Variants in ACAD11 observed in about 807,000 individuals in gnomAD.
The protein encoded by ACAD11 is acyl-Coenzyme A dehydrogenase family, member 11.
In ACAD11, 83 loss-of-function variants were observed where a neutral mutation model predicts 102.2. The observed-to-expected ratio is 0.81, with a 90% CI of 0.68 to 0.97. The LOEUF is 0.97. Among genes scored for constraint, ACAD11 ranks in the 50% least tolerant of loss-of-function variants. The probability of loss-of-function intolerance (pLI) is 0.00; values close to 1 mark genes in which losing one functional copy is unlikely to be tolerated. For missense variants in ACAD11, 901 were observed against 951.7 expected (o/e 0.95, Z 0.70); for synonymous variants, 324 against 319.8 (o/e 1.01, Z -0.14).
Position 132,558,858 on chromosome 3 carries a change from A to G in ACAD11, c.*113T>C, listed in dbSNP as rs1478988583. The G allele has an allele frequency of 8.2e-6, 6 of 729,496 alleles. No individual in the cohort carries two copies. The highest frequency in any genetic ancestry group is 1.1e-5 in the Non-Finnish European group (5 of 435,298). 45.2% of individuals were successfully genotyped at this position (729,496 alleles called of 1,614,324 possible). ...ATGCTATAATCTTTACCACAAATGA[A>G]TAATTAACCCTGTGCTCAAACTGCT... On this transcript the variant is annotated 3_prime_UTR_variant, in exon 20 of 20. Coordinates refer to ENST00000264990, the MANE Select transcript of ACAD11 (RefSeq NM_032169.5).
chr3:132,655,280 TCAACA>T (rs1328948197), intron 1 of ACAD11, among the ~76,000 whole-genome samples: 3 of 152,220 alleles, frequency 2.0e-5, no homozygotes, highest in African/African-American at 4.8e-5. Context: ...CAGTCAACTC[TCAACA>T]CAAGAAGCAG....
At chr3:132,572,764 A>C (rs1256704465) in intron 17 of ACAD11, among the ~76,000 whole-genome samples, 1 of 152,228 alleles carries the variant, frequency 6.6e-6, no homozygotes, top group Admixed American at 6.5e-5. Context: ...TCATTGACAA[A>C]GGTGACAAAA....
At chr3:132,657,866 CTTT>C (rs56190801) in intron 1 of ACAD11, among the ~76,000 whole-genome samples, 10 of 119,146 alleles carry the variant, frequency 8.4e-5, no homozygotes, top group Admixed American at 3.6e-4. Context: ...ACACATATTC[CTTT>C]TTTTTTTTTT....
At chr3:132,630,069 C>G (rs1011425786) in intron 7 of ACAD11, among the ~76,000 whole-genome samples, 1 of 151,922 alleles carries the variant, frequency 6.6e-6, no homozygotes, top group African/African-American at 2.4e-5. Context: ...ATCATCAACC[C>G]TAACTAATAA....
intron 11 of ACAD11, among the ~76,000 whole-genome samples, chr3:132,616,452 GCA>G (rs1939413440): frequency 1.3e-5 from 2 of 152,112 alleles, no homozygotes; most frequent in Non-Finnish European, 2.9e-5. Context: ...AATATAGCTA[GCA>G]TTCTCTAAAA....
At chr3:132,581,922 C>G (rs12487723) in intron 13 of ACAD11, among the ~76,000 whole-genome samples, 1 of 151,910 alleles carries the variant, frequency 6.6e-6, no homozygotes. Flanking sequence ...ATCCTGTAGT[C>G]AACTACAGTT....
rs371105342 is a variant in ACAD11, at chr3:132,631,356, A to G, written c.826T>C (p.Tyr276His). 1.3e-6 allele frequency: 2 copies of G among 1,485,166 alleles called. No individual in the cohort carries two copies. The highest frequency in any genetic ancestry group is 1.8e-6 in the Non-Finnish European group (2 of 1,112,500). 92.0% of individuals were successfully genotyped at this position (1,485,166 alleles called of 1,614,324 possible). The change falls in exon 6 of 20, where the codon TAT becomes CAT. Residue 276 changes from tyrosine (Y) to histidine (H), a missense_variant. Coordinates refer to ENST00000264990, the MANE Select transcript of ACAD11 (RefSeq NM_032169.5). Reference protein sequence around the residue: ...RTVPMINQGSYSENSGIPSME... With the variant: ...RTVPMINQGSHSENSGIPSME... The stretch of plus-strand genomic sequence containing the variant: ...GTTTTTATACCTGAGTTTTCACTAT[A>G]AGAACCTTGATTTATCATTGGAACT...
intron 13 of ACAD11, among the ~76,000 whole-genome samples, chr3:132,593,791 G>A (rs775611435): frequency 1.3e-5 from 2 of 152,084 alleles, no homozygotes; most frequent in Non-Finnish European, 2.9e-5. Flanking sequence ...AAGAACAAGG[G>A]ACATTGCTAT....
At chr3:132,641,224 A>C (rs1455943937) in intron 4 of ACAD11, among the ~76,000 whole-genome samples, 3 of 152,138 alleles carry the variant, frequency 2.0e-5, no homozygotes, top group Admixed American at 2.0e-4. Context: ...CAAGCTTAAT[A>C]AATGTCTGCT....
At chr3:132,573,473 C>T (rs887514232) in intron 17 of ACAD11, among the ~76,000 whole-genome samples, 3 of 151,818 alleles carry the variant, frequency 2.0e-5, no homozygotes, top group Non-Finnish European at 4.4e-5. Flanking sequence ...AAAATTAATT[C>T]CATCTTTTTC....
At chr3:132,566,087 T>C (rs73217998) in intron 17 of ACAD11, among the ~76,000 whole-genome samples, 6,060 of 151,728 alleles carry the variant, frequency 0.04, 185 homozygotes, top group African/African-American at 0.088. Flanking sequence ...GCTGAAGCAA[T>C]TGAAAAAATA....
In ACAD11 at chr3:132,571,642, G is replaced by T. The variant is rs142025780; in HGVS notation, c.2001+4130C>A. On this transcript the variant is annotated intron_variant, in intron 17 of 19. Transcript: ENST00000264990. ...GGTTTTTATAGTTTTGGGTTTTACA[G>T]TTAAGTCTTTGATCCTCAACAAAAT... Among the ~76,000 whole-genome samples the T allele has an allele frequency of 1.8e-3, 268 of 152,000 alleles. 2 individuals carry two copies. The highest frequency in any genetic ancestry group is 5.7e-3 in the African/African-American group (237 of 41,482).
chr3:132,611,123 C>T (rs1439523029), intron 11 of ACAD11, among the ~76,000 whole-genome samples: 1 of 151,988 alleles, frequency 6.6e-6, no homozygotes, highest in African/African-American at 2.4e-5. Context: ...AAACAAAAAC[C>T]ACATTATTAT....
rs1462526996 is a variant in ACAD11, at chr3:132,659,732, C to T, written c.20G>A (p.Gly7Asp). 1.9e-6 allele frequency: 3 copies of T among 1,605,222 alleles called. No individual in the cohort carries two copies. Among genetic ancestry groups the T allele is most frequent in the South Asian group, 1.1e-5 (1 of 90,378 alleles). The change falls in exon 1 of 20, where the codon GGC (glycine) becomes GAC (aspartate). Residue 7 changes from glycine to aspartate, a missense_variant. Coordinates refer to ENST00000264990, the MANE Select transcript of ACAD11 (RefSeq NM_032169.5). MKPGAT[G>D]ESDLAEVLPQ... is the part of the protein sequence containing the mutation. ...CAGCACTTCGGCCAAATCGGACTCGCCAGTAGCACCTGGCTTCATGATCAC... is the reference window on the plus strand; with the variant it reads ...CAGCACTTCGGCCAAATCGGACTCGTCAGTAGCACCTGGCTTCATGATCAC...
chr3:132,568,286 A>G (rs997527797), intron 17 of ACAD11, among the ~76,000 whole-genome samples: 1 of 152,172 alleles, frequency 6.6e-6, no homozygotes, highest in African/African-American at 2.4e-5. Context: ...CTGAAATTAA[A>G]AACACAATAC....
In ACAD11 at chr3:132,578,895, A is replaced by T; in HGVS notation, c.1689-14T>A. On this transcript the variant is annotated splice_polypyrimidine_tract_variant and intron_variant, in intron 14 of 19. Coordinates refer to ENST00000264990, the MANE Select transcript of ACAD11 (RefSeq NM_032169.5). The stretch of plus-strand genomic sequence containing the variant: ...TGCTGTTTGTGTCTAGTCAAAAGAA[A>T]AATTGTATTAGAAAAAGTTTGCTAA... 1 of 1,611,302 alleles carries T rather than the reference A, an allele frequency of 6.2e-7. No homozygotes were observed. The highest frequency in any genetic ancestry group is 8.5e-7 in the Non-Finnish European group (1 of 1,178,308).
chr3:132,574,767 T>C (rs1449368291), intron 17 of ACAD11, among the ~76,000 whole-genome samples: 1 of 152,194 alleles, frequency 6.6e-6, no homozygotes, highest in Non-Finnish European at 1.5e-5. Flanking sequence ...ATATCCTACT[T>C]CTCTGTAGAA....
intron 1 of ACAD11, among the ~76,000 whole-genome samples, chr3:132,655,673 A>G (rs1231681134): frequency 6.6e-6 from 1 of 152,180 alleles, no homozygotes; most frequent in Admixed American, 6.5e-5. Context: ...TCCATGTTAC[A>G]TATCAACTTC....
In ACAD11 at chr3:132,605,183, C is replaced by T; in HGVS notation, c.1437G>A (p.Leu479=). Residue 479 remains leucine, a synonymous_variant, in exon 12 of 20, where the codon CTG becomes CTA. Coordinates refer to ENST00000264990, the MANE Select transcript of ACAD11 (RefSeq NM_032169.5). ...QAPDTGNMEV[L]HLYGSEEQKK... ...TCTGTTCCTCACTTCCATACAGGTG[C>T]AGAACCTCCATATTCCCTGTGTCTA... 5 of 1,612,800 alleles carry T rather than the reference C, an allele frequency of 3.1e-6. No homozygotes were observed. The highest frequency in any genetic ancestry group is 4.2e-6 in the Non-Finnish European group (5 of 1,179,084).
Sources: gnomAD v4.1 joint callset for allele counts (sites outside exome capture counted in the v4.1 genomes callset) on GRCh38, gnomAD v4.1.1 for gene constraint, MANE v1.5 for transcripts, NCBI Gene and HGNC (gene_info 2026-07-23, HGNC 2026-07-21) for gene names.